The following STXBP6 variants were observed in gnomAD, a reference collection of about 807,000 sequenced individuals.
STXBP6 encodes syntaxin-binding protein 6.
In STXBP6, 21 loss-of-function variants were observed where a neutral mutation model predicts 26.9. The observed-to-expected ratio is 0.78, with a 90% confidence interval of 0.55 to 1.12. The LOEUF is 1.12. Among genes scored for constraint, STXBP6 ranks in the 50% most tolerant of loss-of-function variants. The pLI is 0.00. For missense variants in STXBP6, 232 were observed against 257.9 expected (o/e 0.90, Z 0.69); for synonymous variants, 97 against 92.6 (o/e 1.05, Z -0.27).
At chr14:25,042,917 C>T (rs1283518087) in intron 1 of STXBP6, among the ~76,000 whole-genome samples, 2 of 152,218 alleles carry the variant, frequency 1.3e-5, no homozygotes, top group Non-Finnish European at 2.9e-5. Context: ...TTGATGTTCA[C>T]GTAATGCTGA....
At chr14:24,967,729 A>C (rs2073779168) in intron 2 of STXBP6, among the ~76,000 whole-genome samples, 1 of 152,202 alleles carries the variant, frequency 6.6e-6, no homozygotes, top group African/African-American at 2.4e-5. Context: ...ATATATTCCA[A>C]TGTAGGAAAG....
intron 2 of STXBP6, among the ~76,000 whole-genome samples, chr14:24,968,919 C>T (rs1324813604): frequency 1.3e-5 from 2 of 152,166 alleles, no homozygotes; most frequent in Non-Finnish European, 2.9e-5. Context: ...AGTTCTTGCA[C>T]AACACTTTCA....
At chr14:24,964,355 C>A (rs968861372) in intron 2 of STXBP6, among the ~76,000 whole-genome samples, 1 of 152,172 alleles carries the variant, frequency 6.6e-6, no homozygotes, top group Non-Finnish European at 1.5e-5. Context: ...GTAGTCTATT[C>A]TCTATGGTAT....
At chr14:24,964,647 CTG>C (rs34132743) in intron 2 of STXBP6, among the ~76,000 whole-genome samples, 9,477 of 139,630 alleles carry the variant, frequency 0.068, 617 homozygotes, top group African/African-American at 0.18. Context: ...AGTTCTCATT[CTG>C]TGTGTGTGTG....
chr14:24,815,895 G>C (rs899264596), intron 5 of STXBP6: 2 of 152,230 alleles, frequency 1.3e-5, no homozygotes, highest in Non-Finnish European at 2.9e-5. Context: ...CACCAGAGTG[G>C]AGGTGGGGGA....
chr14:25,045,272 G>T (rs938310185), intron 1 of STXBP6, among the ~76,000 whole-genome samples: 1 of 152,032 alleles, frequency 6.6e-6, no homozygotes, highest in Admixed American at 6.5e-5. Flanking sequence ...CATAGTCTTT[G>T]ATATAATGAT....
At chr14:24,866,438 C>CAT (rs2069725020) in intron 2 of STXBP6, among the ~76,000 whole-genome samples, 1 of 151,804 alleles carries the variant, frequency 6.6e-6, no homozygotes, top group African/African-American at 2.4e-5. Flanking sequence ...TGTGTATATG[C>CAT]GTGTGTATAT....
Position 24,855,957 on chromosome 14 carries a change from AG to A in STXBP6, c.429del (p.Cys144AlafsTer19). On this transcript the variant is annotated frameshift_variant, in exon 4 of 6. Coordinates refer to ENST00000323944, the MANE Select transcript of STXBP6 (RefSeq NM_001394410.1). LOFTEE classifies it high-confidence loss of function. ...TCACCTCCCATAATTTTGGATTGGC[AG>A]TTAATAAACTCTGGCTTCCTGTCCG... is the stretch of plus-strand genomic sequence containing the variant. ...YLTDRKPEFINCQSKIMGGNS... is the reference protein window; with the variant it reads ...YLTDRKPEFIXCQSKIMGGNS... 1 of 1,604,142 alleles carries A rather than the reference AG, an allele frequency of 6.2e-7. No individual in the cohort carries two copies. Among genetic ancestry groups the A allele is most frequent in the South Asian group, 1.1e-5 (1 of 88,882 alleles).
Position 24,811,791 on chromosome 14 carries a change from A to G in STXBP6, c.*918T>C, listed in dbSNP as rs975498112. 6.6e-6 allele frequency: 1 copy of G among 152,222 alleles called. No homozygotes were observed. 9.4% of individuals were successfully genotyped at this position (152,222 alleles called of 1,614,324 possible). A position where few individuals can be genotyped will look rare whatever the true frequency, so the allele number is the denominator to read the frequency against. On this transcript the variant is annotated 3_prime_UTR_variant, in exon 6 of 6. Transcript: ENST00000323944. ...AAAATAGGCATGACTGTAAAAAGAC[A>G]AGACAAACATTTTAAATGTACTACT...
chr14:25,031,308 G>C (rs1202561995), intron 1 of STXBP6, among the ~76,000 whole-genome samples: 2 of 152,160 alleles, frequency 1.3e-5, no homozygotes, highest in Non-Finnish European at 2.9e-5. Context: ...CAATGAGCTG[G>C]AGAATCGAGA....
At chr14:25,029,580 T>C (rs371232152) in intron 1 of STXBP6, among the ~76,000 whole-genome samples, 10 of 152,262 alleles carry the variant, frequency 6.6e-5, no homozygotes, top group African/African-American at 2.2e-4. Context: ...TGTCTGGAAC[T>C]GAACCTGCAA....
At chr14:24,856,888 G>T in intron 3 of STXBP6, 139 bp downstream of exon 3, 1 of 1,071,570 alleles carries the variant, frequency 9.3e-7, no homozygotes, top group Non-Finnish European at 1.3e-6. Context: ...CTCTGTATCC[G>T]AAAGTTTTAA....
intron 2 of STXBP6, among the ~76,000 whole-genome samples, chr14:24,939,255 A>G (rs2072713516): frequency 6.6e-6 from 1 of 152,212 alleles, no homozygotes; most frequent in African/African-American, 2.4e-5. Flanking sequence ...ACAGGGATAT[A>G]TGGAGTACAT....
intron 2 of STXBP6, among the ~76,000 whole-genome samples, chr14:24,866,026 C>T (rs1056196685): frequency 5.3e-5 from 8 of 152,006 alleles, no homozygotes; most frequent in Admixed American, 5.2e-4. Context: ...CTGCAGTGCC[C>T]AGGTATGTAG....
intron 1 of STXBP6, among the ~76,000 whole-genome samples, chr14:24,992,355 C>T (rs1030365318): frequency 2.0e-5 from 3 of 152,078 alleles, no homozygotes; most frequent in Non-Finnish European, 4.4e-5. Flanking sequence ...GCTGCAAAGG[C>T]ACAGTCTACA....
intron 2 of STXBP6, among the ~76,000 whole-genome samples, chr14:24,902,087 A>G: frequency 6.6e-6 from 1 of 152,210 alleles, no homozygotes; most frequent in East Asian, 1.9e-4. Flanking sequence ...ATATCTGTAT[A>G]TCTGAAAGAC....
At chr14:24,932,828 T>C (rs74731350) in intron 2 of STXBP6, among the ~76,000 whole-genome samples, 9,788 of 152,176 alleles carry the variant, frequency 0.064, 531 homozygotes, top group African/African-American at 0.14. Context: ...TCAACTATTG[T>C]CATTTGAGGT....
chr14:24,888,397 T>G (rs1265466526), intron 2 of STXBP6, among the ~76,000 whole-genome samples: 1 of 152,056 alleles, frequency 6.6e-6, no homozygotes, highest in Non-Finnish European at 1.5e-5. Context: ...GCATCATCAC[T>G]ACCTTTGGAA....
In STXBP6 at chr14:24,811,809, G is replaced by A; in HGVS notation, c.*900C>T. On this transcript the variant is annotated 3_prime_UTR_variant, in exon 6 of 6. Coordinates refer to ENST00000323944, the MANE Select transcript of STXBP6 (RefSeq NM_001394410.1). Reference sequence around the variant, plus strand: ...AAAAGACAAGACAAACATTTTAAATGTACTACTTGTTCACATTATCATTGA... The same window carrying A: ...AAAAGACAAGACAAACATTTTAAATATACTACTTGTTCACATTATCATTGA... 6.6e-6 allele frequency: 1 copy of A among 152,116 alleles called. No homozygotes were observed. The allele number at this position is 152,116 out of a possible 1,614,324, so 9.4% of individuals were successfully genotyped here.
Sources: gnomAD v4.1 joint callset for allele counts (sites outside exome capture counted in the v4.1 genomes callset) on GRCh38, gnomAD v4.1.1 for gene constraint, MANE v1.5 for transcripts, NCBI Gene and HGNC (gene_info 2026-07-23, HGNC 2026-07-21) for gene names.